GRM7: variants seen among roughly 807,000 people sequenced by gnomAD.
GRM7 encodes metabotropic glutamate receptor 7.
In GRM7, 35 loss-of-function variants were observed where a neutral mutation model predicts 84.5. The ratio of observed to expected loss-of-function variants is 0.41; its 90% CI spans 0.32 to 0.55. The LOEUF (loss-of-function observed/expected upper bound fraction) is 0.55. GRM7 is among the 20% of genes least tolerant of loss of function. The probability of loss-of-function intolerance (pLI) is 0.19; values close to 1 mark genes in which losing one functional copy is unlikely to be tolerated. For synonymous variants in GRM7, 487 were observed against 455.1 expected (o/e 1.07, Z -0.89); for missense variants, 1,003 against 1,194.6 (o/e 0.84, Z 2.36).
Position 7,687,303 on chromosome 3 carries a change from G to A in GRM7, c.2698+7008G>A, listed in dbSNP as rs534619140. ...TAAGAATAATAATGGATTCACCACA[G>A]ATGCTTTTATATTGCTTTAGGCTCT... On this transcript the variant is annotated intron_variant, in intron 9 of 9. Coordinates refer to ENST00000357716, the MANE Select transcript of GRM7 (RefSeq NM_000844.4). Among the ~76,000 whole-genome samples, 35 of 152,296 alleles carry A rather than the reference G, an allele frequency of 2.3e-4. 1 individual carries two copies. The South Asian group carries it at 6.2e-3, about 27-fold the overall frequency.
chr3:7,630,657 T>C (rs1697824712), intron 8 of GRM7, among the ~76,000 whole-genome samples: 1 of 152,176 alleles, frequency 6.6e-6, no homozygotes, highest in Non-Finnish European at 1.5e-5. Context: ...CATGAGAGCA[T>C]TTAACGTTAT....
intron 1 of GRM7, among the ~76,000 whole-genome samples, chr3:7,110,256 A>G (rs762837485): frequency 9.9e-5 from 15 of 152,094 alleles, no homozygotes; most frequent in Non-Finnish European, 1.8e-4. Context: ...ATCACATTAT[A>G]TAAACATTGA....
At chr3:6,883,354 T>G (rs1405325789) in intron 1 of GRM7, among the ~76,000 whole-genome samples, 1 of 152,164 alleles carries the variant, frequency 6.6e-6, no homozygotes, top group African/African-American at 2.4e-5. Flanking sequence ...TTTATAGAAA[T>G]TCTTTAATAT....
At chr3:7,112,275 A>G (rs1692882938) in intron 1 of GRM7, among the ~76,000 whole-genome samples, 1 of 150,800 alleles carries the variant, frequency 6.6e-6, no homozygotes, top group Non-Finnish European at 1.5e-5. Context: ...CCCAGGCTGG[A>G]GTGCAGTGGC....
chr3:7,090,182 A>C (rs1234453383), intron 1 of GRM7, among the ~76,000 whole-genome samples: 2 of 152,198 alleles, frequency 1.3e-5, no homozygotes, highest in African/African-American at 4.8e-5. Context: ...GATTAAAAGA[A>C]GGGTAAAACA....
chr3:7,640,762 T>C (rs192135842), intron 8 of GRM7, among the ~76,000 whole-genome samples: 67 of 152,192 alleles, frequency 4.4e-4, no homozygotes, highest in African/African-American at 1.4e-3. Flanking sequence ...ATTATGAAAA[T>C]GATGTGAAGC....
At chr3:7,552,035 C>G (rs1437187556) in intron 7 of GRM7, among the ~76,000 whole-genome samples, 1 of 152,188 alleles carries the variant, frequency 6.6e-6, no homozygotes, top group Non-Finnish European at 1.5e-5. Context: ...AGAACTTGCC[C>G]ACTATCATGA....
chr3:7,029,643 C>G (rs140576134), intron 1 of GRM7, among the ~76,000 whole-genome samples: 48 of 152,196 alleles, frequency 3.2e-4, no homozygotes, highest in Admixed American at 3.3e-4. Flanking sequence ...ATATGTAATA[C>G]CTAGAGTGGT....
chr3:7,540,454 T>C (rs1002839664), intron 7 of GRM7, among the ~76,000 whole-genome samples: 2 of 152,182 alleles, frequency 1.3e-5, no homozygotes, highest in East Asian at 3.9e-4. Flanking sequence ...GAAAACATTA[T>C]GCTAAGTGAA....
intron 1 of GRM7, among the ~76,000 whole-genome samples, chr3:7,037,481 A>C (rs1696427434): frequency 6.6e-6 from 1 of 152,300 alleles, no homozygotes; most frequent in South Asian, 2.1e-4. Flanking sequence ...AATTGTTTTA[A>C]GAATTGAGTG....
At chr3:7,298,270 A>G (rs1235206743) in intron 2 of GRM7, among the ~76,000 whole-genome samples, 1 of 152,168 alleles carries the variant, frequency 6.6e-6, no homozygotes, top group Admixed American at 6.6e-5. Context: ...AAACGCCACA[A>G]AAGTAACAGA....
rs115222949 is a variant in GRM7, at chr3:6,979,101, G to A, written c.519+117194G>A. Among the ~76,000 whole-genome samples the A allele has an allele frequency of 1.1e-3, 164 of 152,230 alleles. 1 individual carries two copies. Among genetic ancestry groups the A allele is most frequent in the African/African-American group, 3.7e-3 (154 of 41,540 alleles). On this transcript the variant is annotated intron_variant, in intron 1 of 9. Coordinates refer to ENST00000357716, the MANE Select transcript of GRM7 (RefSeq NM_000844.4). Reference sequence around the variant, plus strand: ...AAAAACCTCTTTCATTGATCAGTAAGTATCGACACTAAAATATTTCCCAGT... The same window carrying A: ...AAAAACCTCTTTCATTGATCAGTAAATATCGACACTAAAATATTTCCCAGT...
rs140364746 is a variant in GRM7, at chr3:7,280,163, C to T, written c.737-18521C>T. On this transcript the variant is annotated intron_variant, in intron 2 of 9. Transcript: ENST00000357716. ...TCATTAATCATAAAAAGGCCTTACC[C>T]CTTCTTTATTGTTTGGGGCAAACTT... 3.6e-3 allele frequency among the ~76,000 whole-genome samples: 551 copies of T among 152,206 alleles called. 6 individuals are homozygous for T. Among genetic ancestry groups the T allele is most frequent in the African/African-American group, 0.013 (525 of 41,530 alleles).
chr3:7,362,157 A>T (rs1693690525), intron 4 of GRM7, among the ~76,000 whole-genome samples: 1 of 152,124 alleles, frequency 6.6e-6, no homozygotes, highest in South Asian at 2.1e-4. Flanking sequence ...ATGCTGCTTT[A>T]TAATAGTCAT....
intron 9 of GRM7, among the ~76,000 whole-genome samples, chr3:7,700,495 G>C (rs973725955): frequency 2.0e-5 from 3 of 152,216 alleles, no homozygotes; most frequent in Non-Finnish European, 4.4e-5. Flanking sequence ...ATCTCAAACA[G>C]CTGGAGATTT....
chr3:7,065,968 C>A (rs556656574), intron 1 of GRM7, among the ~76,000 whole-genome samples: 2 of 151,880 alleles, frequency 1.3e-5, no homozygotes, highest in African/African-American at 2.4e-5. Context: ...TTAAAACATT[C>A]TTTGAACTGA....
intron 1 of GRM7, among the ~76,000 whole-genome samples, chr3:7,047,959 C>T (rs147670872): frequency 1.1e-3 from 163 of 151,994 alleles, no homozygotes; most frequent in African/African-American, 3.8e-3. Flanking sequence ...GCTGCACTTT[C>T]GTAATGTTAG....
At chr3:7,375,214 C>CCTTTTTT (rs1553572613) in intron 4 of GRM7, among the ~76,000 whole-genome samples, 2 of 132,958 alleles carry the variant, frequency 1.5e-5, no homozygotes, top group Non-Finnish European at 1.6e-5. Context: ...TAAACATCCC[C>CCTTTTTT]TTTTTTTTTT....
chr3:7,460,390 A>T (rs1203576302), intron 6 of GRM7, among the ~76,000 whole-genome samples: 4 of 149,830 alleles, frequency 2.7e-5, no homozygotes, highest in East Asian at 3.9e-4. Context: ...ACTATAAACA[A>T]TTTTTTTTTT....
Sources: gnomAD v4.1 joint callset for allele counts (sites outside exome capture counted in the v4.1 genomes callset) on GRCh38, gnomAD v4.1.1 for gene constraint, MANE v1.5 for transcripts, NCBI Gene and HGNC (gene_info 2026-07-23, HGNC 2026-07-21) for gene names.